The following DGKB variants were observed in gnomAD, a reference collection of about 807,000 sequenced individuals.
The protein encoded by DGKB is 90 kDa diacylglycerol kinase.
Under a neutral mutation model 114.3 loss-of-function variants are expected in DGKB, and 67 were observed. The ratio of observed to expected loss-of-function variants is 0.59; its 90% CI spans 0.48 to 0.72. The LOEUF (loss-of-function observed/expected upper bound fraction) is 0.72. Ranked by LOEUF, DGKB falls within the 30% of genes least tolerant of loss-of-function variation. The pLI, the probability that DGKB is intolerant of heterozygous loss-of-function variation, is 0.00. For synonymous variants in DGKB, 398 were observed against 323.1 expected (o/e 1.23, Z -2.49); for missense variants, 907 against 975.2 (o/e 0.93, Z 0.93).
At chr7:14,872,171 T>C (rs1852568692) in intron 1 of DGKB, among the ~76,000 whole-genome samples, 1 of 152,190 alleles carries the variant, frequency 6.6e-6, no homozygotes, top group Non-Finnish European at 1.5e-5. Context: ...ATTAATCTGT[T>C]CATATTTCTC....
At chr7:14,698,837 T>A (rs1824576257) in intron 7 of DGKB, among the ~76,000 whole-genome samples, 1 of 152,160 alleles carries the variant, frequency 6.6e-6, no homozygotes, top group South Asian at 2.1e-4. Context: ...TGTTTTAATT[T>A]TTCTCTACCT....
intron 23 of DGKB, among the ~76,000 whole-genome samples, chr7:14,184,842 T>C (rs1364369907): frequency 6.6e-6 from 1 of 152,114 alleles, no homozygotes; most frequent in Non-Finnish European, 1.5e-5. Context: ...TGATTAAAGC[T>C]CTCAGCAAAA....
intron 25 of DGKB, among the ~76,000 whole-genome samples, chr7:14,170,389 G>A (rs1477288787): frequency 6.6e-6 from 1 of 151,924 alleles, no homozygotes. Flanking sequence ...GACATCTTAG[G>A]GTTGCTGTGG....
At chr7:14,298,736 A>G (rs1803002017) in intron 23 of DGKB, among the ~76,000 whole-genome samples, 1 of 152,218 alleles carries the variant, frequency 6.6e-6, no homozygotes, top group Non-Finnish European at 1.5e-5. Context: ...AAAAGAAACT[A>G]CCATCAGAGT....
chr7:14,774,843 T>C (rs1278528553), intron 2 of DGKB, among the ~76,000 whole-genome samples: 1 of 152,206 alleles, frequency 6.6e-6, no homozygotes, highest in South Asian at 2.1e-4. Context: ...CACAGATTTC[T>C]TTGCATGCCT....
intron 1 of DGKB, among the ~76,000 whole-genome samples, chr7:14,968,656 G>T (rs1787299620): frequency 6.6e-6 from 1 of 152,102 alleles, no homozygotes; most frequent in Non-Finnish European, 1.5e-5. Flanking sequence ...AGGCCACAGG[G>T]AGAGAGTTAC....
At chr7:14,287,561 T>G (rs749326359) in intron 23 of DGKB, among the ~76,000 whole-genome samples, 2 of 152,178 alleles carry the variant, frequency 1.3e-5, no homozygotes, top group Non-Finnish European at 1.5e-5. Context: ...ACGGTCTACA[T>G]GACTGATAAT....
At chr7:14,455,964 ATGTAT>A (rs1832228067) in intron 21 of DGKB, among the ~76,000 whole-genome samples, 1 of 152,044 alleles carries the variant, frequency 6.6e-6, no homozygotes, top group African/African-American at 2.4e-5. Context: ...ACTATTTAAA[ATGTAT>A]ACACCGTATA....
intron 20 of DGKB, among the ~76,000 whole-genome samples, chr7:14,546,442 T>G (rs765442529): frequency 6.6e-6 from 1 of 152,176 alleles, no homozygotes; most frequent in Non-Finnish European, 1.5e-5. Context: ...AACTGAGACT[T>G]GAGTACATGC....
Position 14,222,978 on chromosome 7 carries a change from A to G in DGKB, c.2123-44827T>C, listed in dbSNP as rs182303220. ...CAACTTTCTTGTGATTGCTGTTTGC[A>G]TGATCTGTCTTTCCCAGTCATTTAC... On this transcript the variant is annotated intron_variant, in intron 23 of 25. Transcript: ENST00000402815. Among the ~76,000 whole-genome samples the G allele has an allele frequency of 5.9e-5, 9 of 151,768 alleles. No homozygotes were observed. The East Asian group carries it at 1.2e-3, about 20-fold the overall frequency.
intron 25 of DGKB, among the ~76,000 whole-genome samples, chr7:14,173,113 A>T (rs7800171): frequency 0.016 from 2,412 of 152,314 alleles, 66 homozygotes; most frequent in African/African-American, 0.056. Flanking sequence ...TAACTCAGTG[A>T]CTATTACAAA....
chr7:14,186,037 G>T (rs187759777), intron 23 of DGKB, among the ~76,000 whole-genome samples: 1 of 152,130 alleles, frequency 6.6e-6, no homozygotes, highest in Admixed American at 6.6e-5. Context: ...TTAAACTAAA[G>T]AGCTTTTGCA....
At chr7:14,860,729 A>G (rs1395557427) in intron 1 of DGKB, among the ~76,000 whole-genome samples, 1 of 151,888 alleles carries the variant, frequency 6.6e-6, no homozygotes, top group East Asian at 1.9e-4. Flanking sequence ...AGAGGATTGT[A>G]ATAAGAACCT....
intron 20 of DGKB, among the ~76,000 whole-genome samples, chr7:14,564,346 A>G (rs1797090278): frequency 6.6e-6 from 1 of 152,110 alleles, no homozygotes. Context: ...GGGTTTTCTT[A>G]CTGATCATGT....
At chr7:14,470,946 T>A (rs1781191960) in intron 21 of DGKB, among the ~76,000 whole-genome samples, 1 of 151,398 alleles carries the variant, frequency 6.6e-6, no homozygotes. Flanking sequence ...GTAAAAATAT[T>A]TGGCTTTGAT....
intron 2 of DGKB, among the ~76,000 whole-genome samples, chr7:14,832,119 C>T (rs1249857867): frequency 2.0e-5 from 3 of 151,896 alleles, no homozygotes; most frequent in African/African-American, 7.2e-5. Flanking sequence ...CTTATAACGA[C>T]CTTTGAAATA....
chr7:14,633,491 C>A (rs896393031), intron 13 of DGKB, among the ~76,000 whole-genome samples: 1 of 151,838 alleles, frequency 6.6e-6, no homozygotes, highest in African/African-American at 2.4e-5. Context: ...ACATGCCCAT[C>A]AGTAGTTTAT....
At chr7:14,537,872 G>C (rs1378700630) in intron 20 of DGKB, among the ~76,000 whole-genome samples, 1 of 152,092 alleles carries the variant, frequency 6.6e-6, no homozygotes, top group African/African-American at 2.4e-5. Context: ...CCTGAGGTTG[G>C]AAGTTTGAGA....
chr7:14,154,179 T>C (rs1249451886), intron 25 of DGKB, among the ~76,000 whole-genome samples: 7 of 5,412 alleles, frequency 1.3e-3, no homozygotes. Flanking sequence ...AGTTTTGTCT[T>C]TTTTTTTTTT....
Sources: gnomAD v4.1 joint callset for allele counts (sites outside exome capture counted in the v4.1 genomes callset) on GRCh38, gnomAD v4.1.1 for gene constraint, MANE v1.5 for transcripts, NCBI Gene and HGNC (gene_info 2026-07-23, HGNC 2026-07-21) for gene names.